Variants in VPS13A observed in about 807,000 individuals in gnomAD.
VPS13A encodes vacuolar protein sorting 13 homolog A.
Under a neutral mutation model 390.9 loss-of-function variants are expected in VPS13A, and 264 were observed. The ratio of observed to expected loss-of-function variants is 0.68; its 90% CI spans 0.61 to 0.75. VPS13A has a LOEUF of 0.75. Among genes scored for constraint, VPS13A ranks in the 30% least tolerant of loss-of-function variants. The probability of loss-of-function intolerance (pLI) is 0.00; values close to 1 mark genes in which losing one functional copy is unlikely to be tolerated. For missense variants in VPS13A, 3,409 were observed against 3,733.9 expected (o/e 0.91, Z 2.27); for synonymous variants, 1,231 against 1,227.1 (o/e 1.00, Z -0.07).
rs1029700224 is a variant in VPS13A at position 77,374,401 on chromosome 9, G to A, written c.9077+3252G>A. On this transcript the variant is annotated intron_variant, in intron 67 of 71. Transcript: ENST00000360280. The stretch of plus-strand genomic sequence containing the variant: ...AAGCACTGTAATACCGCAATAGTCA[G>A]GATGATAACTGAGACAGCTACTATG... Among the ~76,000 whole-genome samples, 9 of 152,174 alleles carry A rather than the reference G, an allele frequency of 5.9e-5. 1 individual carries two copies. Among genetic ancestry groups the A allele is most frequent in the South Asian group, 2.1e-4 (1 of 4,828 alleles).
chr9:77,402,643 A>T (rs1834438802), intron 68 of VPS13A, among the ~76,000 whole-genome samples: 1 of 152,188 alleles, frequency 6.6e-6, no homozygotes, highest in African/African-American at 2.4e-5. Context: ...GAAGCAAACA[A>T]TTGTTAATAA....
chr9:77,307,770 A>G (rs1046161203), intron 34 of VPS13A, among the ~76,000 whole-genome samples, 175 bp from the exon 35 acceptor site: 1 of 152,220 alleles, frequency 6.6e-6, no homozygotes, highest in African/African-American at 2.4e-5. Flanking sequence ...TTCACAAGCT[A>G]CTAAAGAGCA....
chr9:77,337,719 A>T, intron 47 of VPS13A, 182 bp downstream of exon 47: 1 of 609,050 alleles, frequency 1.6e-6, no homozygotes, highest in Non-Finnish European at 2.7e-6. Context: ...ACATTTAAGA[A>T]CTAGACTTCA....
Position 77,280,210 on chromosome 9 carries a change from A to C in VPS13A, c.2876A>C (p.Glu959Ala). 6.2e-7 allele frequency: 1 copy of C among 1,612,966 alleles called. No homozygotes were observed. Among genetic ancestry groups the C allele is most frequent in the Non-Finnish European group, 8.5e-7 (1 of 1,179,354 alleles). ...GTTACAACCCTGGATAACACAATGG[A>C]AGACCTGTTAACGCTGGAATATGTA... ...YLVTTLDNTM[E>A]DLLTLEYVKA... Residue 959 changes from glutamate to alanine, a missense_variant, in exon 27 of 72, where the codon GAA becomes GCA. Around this residue, in one of 5 missense-constraint regions of VPS13A, gnomAD observed 2,717 missense variants for 2,917.4 expected, o/e 0.93. Coordinates refer to ENST00000360280, the MANE Select transcript of VPS13A (RefSeq NM_033305.3).
At chr9:77,369,163 A>G (rs1034462088) in intron 62 of VPS13A, 136 bp from the exon 63 acceptor site, 8 of 694,940 alleles carry the variant, frequency 1.2e-5, no homozygotes, top group Admixed American at 2.4e-5. Context: ...AGTGATTAAT[A>G]AAATGAGATG....
In VPS13A at chr9:77,189,730, A is replaced by G. The variant is rs577855478; in HGVS notation, c.101-10215A>G. Reference sequence around the variant, plus strand: ...TTAACAATTTTGATTCTTCCTGTCTATGAGCATGGAATGTTTTTCCATTTG... The same window carrying G: ...TTAACAATTTTGATTCTTCCTGTCTGTGAGCATGGAATGTTTTTCCATTTG... On this transcript the variant is annotated intron_variant, in intron 1 of 71. Transcript: ENST00000360280. 9.2e-5 allele frequency among the ~76,000 whole-genome samples: 14 copies of G among 152,242 alleles called. No homozygotes were observed. In the East Asian group the frequency reaches 2.5e-3, roughly 27 times the overall value.
rs183384016 is a variant in VPS13A, at chr9:77,218,598, A to C, written c.755-1356A>C. Among the ~76,000 whole-genome samples the C allele has an allele frequency of 3.3e-5, 5 of 151,678 alleles. No individual in the cohort carries two copies. The East Asian group carries it at 5.8e-4, about 18-fold the overall frequency. On this transcript the variant is annotated intron_variant, in intron 10 of 71. Transcript: ENST00000360280. The stretch of plus-strand genomic sequence containing the variant: ...GAATACTAAAGTTTGAGAACCACTC[A>C]GATAGACTAGGGTTCAATAAGGTTC...
intron 67 of VPS13A, among the ~76,000 whole-genome samples, chr9:77,371,763 C>G (rs1156533362): frequency 6.8e-6 from 1 of 147,998 alleles, no homozygotes; most frequent in Non-Finnish European, 1.5e-5. Context: ...CCCACTAACT[C>G]GTCATCTAGC....
intron 34 of VPS13A, among the ~76,000 whole-genome samples, chr9:77,303,383 A>T (rs1008690424): frequency 6.6e-6 from 1 of 152,188 alleles, no homozygotes; most frequent in Admixed American, 6.5e-5. Context: ...AATCAGACAC[A>T]TAATTAAAAT....
At chr9:77,383,030 G>A (rs1420739513) in intron 68 of VPS13A, 1 of 984,992 alleles carries the variant, frequency 1.0e-6, no homozygotes, top group African/African-American at 1.7e-5. Flanking sequence ...TGTTATGTAG[G>A]CTTGCAGATA....
chr9:77,219,564 A>AT (rs1249395415), intron 10 of VPS13A, among the ~76,000 whole-genome samples: 1 of 152,210 alleles, frequency 6.6e-6, no homozygotes, highest in Non-Finnish European at 1.5e-5. Flanking sequence ...AAATTCAGAA[A>AT]TTATAATTAT....
At chr9:77,353,365 T>A in intron 53 of VPS13A, 44 bp from the exon 54 acceptor site, 1 of 1,456,492 alleles carries the variant, frequency 6.9e-7, no homozygotes, top group Non-Finnish European at 9.5e-7. Context: ...GGGACCAAAT[T>A]CTAATTTTTT....
At chr9:77,354,452 A>G (rs1242550959) in intron 54 of VPS13A, among the ~76,000 whole-genome samples, 1 of 152,154 alleles carries the variant, frequency 6.6e-6, no homozygotes, top group African/African-American at 2.4e-5. Context: ...AGACCTTTAG[A>G]CCTATTATAT....
At chr9:77,248,364 C>T (rs887921567) in intron 20 of VPS13A, among the ~76,000 whole-genome samples, 19 of 151,660 alleles carry the variant, frequency 1.3e-4, no homozygotes, top group South Asian at 4.2e-4. Context: ...TCCAGGCCCC[C>T]GCCACCACGC....
At chr9:77,387,381 C>T (rs1302283728) in intron 68 of VPS13A, among the ~76,000 whole-genome samples, 1 of 152,166 alleles carries the variant, frequency 6.6e-6, no homozygotes, top group Non-Finnish European at 1.5e-5. Context: ...TAATGCCACA[C>T]CTTTCCATAT....
rs1826070244 is a variant in VPS13A at position 77,266,933 on chromosome 9, TTTCTTCC to T, written c.2428-6346_2428-6340del. On this transcript the variant is annotated intron_variant, in intron 23 of 71. Transcript: ENST00000360280. ...AGTTGATCTTCAATCTCTGATATCCTTTCTTCCGCTTGATCGATTTGGCTATTGATAC... is the reference window on the plus strand; with the variant it reads ...AGTTGATCTTCAATCTCTGATATCCTGCTTGATCGATTTGGCTATTGATAC... Among the ~76,000 whole-genome samples the T allele has an allele frequency of 7.2e-5, 11 of 152,182 alleles. No individual in the cohort carries two copies. In the South Asian group the frequency reaches 2.3e-3, roughly 32 times the overall value.
At chr9:77,281,972 G>T in intron 28 of VPS13A, 46 bp downstream of exon 28, 4 of 1,382,266 alleles carry the variant, frequency 2.9e-6, no homozygotes, top group Non-Finnish European at 4.0e-6. Context: ...ATTTCTTATG[G>T]AAATTATTTT....
Position 77,232,959 on chromosome 9 carries a change from A to G in VPS13A, c.1595+4695A>G, listed in dbSNP as rs979571367. ...ACTAGTTATAGGTTTTACTATAAGT[A>G]AGTTTAAAAGGTTATAGTAAGTTTT... On this transcript the variant is annotated intron_variant, in intron 17 of 71. Coordinates refer to ENST00000360280, the MANE Select transcript of VPS13A (RefSeq NM_033305.3). Among the ~76,000 whole-genome samples, 7 of 152,188 alleles carry G rather than the reference A, an allele frequency of 4.6e-5. No homozygotes were observed. The East Asian group carries it at 1.3e-3, about 29-fold the overall frequency.
At chr9:77,185,308 C>A (rs1824266418) in intron 1 of VPS13A, among the ~76,000 whole-genome samples, 1 of 152,018 alleles carries the variant, frequency 6.6e-6, no homozygotes, top group African/African-American at 2.4e-5. Context: ...CACCAGGCTA[C>A]TTTTTGTATT....
Sources: allele counts gnomAD v4.1 joint callset (sites outside exome capture counted in the v4.1 genomes callset), GRCh38; gene constraint gnomAD v4.1.1; regional missense constraint gnomAD v4.1.1; transcripts MANE v1.5; gene names NCBI Gene and HGNC (gene_info 2026-07-23, HGNC 2026-07-21).